Variants in ATXN7L1 observed in about 807,000 individuals in gnomAD.
The protein encoded by ATXN7L1 is ataxin-7-like protein 1.
In ATXN7L1, 15 loss-of-function variants were observed where a neutral mutation model predicts 70.8. That is an observed-to-expected ratio of 0.21 (90% CI 0.14 to 0.33). ATXN7L1 has a LOEUF of 0.33. ATXN7L1 is among the 10% of genes least tolerant of loss of function. The pLI is 1.00. For synonymous variants in ATXN7L1, 440 were observed against 445.1 expected, an observed-to-expected ratio of 0.99 and a Z score of 0.14; for missense variants, 975 against 1,097.1, an observed-to-expected ratio of 0.89 and a Z score of 1.57.
chr7:105,818,416 A>G (rs1370289047), intron 2 of ATXN7L1, among the ~76,000 whole-genome samples: 4 of 152,170 alleles, frequency 2.6e-5, no homozygotes, highest in Non-Finnish European at 5.9e-5. Context: ...TCGGCCTCCC[A>G]AAGTGCTGGG....
chr7:105,865,492 C>A (rs1344271078), intron 2 of ATXN7L1, among the ~76,000 whole-genome samples: 3 of 151,962 alleles, frequency 2.0e-5, no homozygotes, highest in Non-Finnish European at 4.4e-5. Context: ...ACCTCCGCCT[C>A]CCGGGTTCAA....
chr7:105,772,396 A>G (rs951044322), intron 3 of ATXN7L1, among the ~76,000 whole-genome samples: 2 of 152,168 alleles, frequency 1.3e-5, no homozygotes, highest in South Asian at 4.1e-4. Context: ...TTAAAAAGCC[A>G]GCGATATACT....
intron 3 of ATXN7L1, among the ~76,000 whole-genome samples, chr7:105,766,702 C>A (rs536963122): frequency 6.6e-6 from 1 of 152,218 alleles, no homozygotes; most frequent in Non-Finnish European, 1.5e-5. Flanking sequence ...ATTAGACGAT[C>A]CTGTGTTTGG....
chr7:105,646,770 C>CAAAA (rs5886362), intron 4 of ATXN7L1, among the ~76,000 whole-genome samples: 34 of 118,464 alleles, frequency 2.9e-4, no homozygotes, highest in African/African-American at 1.0e-3. Context: ...CATGTCTCTA[C>CAAAA]AAAAAAAAAA....
At chr7:105,727,227 CA>C (rs1164069201) in intron 3 of ATXN7L1, among the ~76,000 whole-genome samples, 4 of 152,112 alleles carry the variant, frequency 2.6e-5, no homozygotes, top group African/African-American at 4.8e-5. Context: ...CCAATATTAA[CA>C]GGGGGGAAAA....
chr7:105,711,728 G>A (rs1217858571), intron 3 of ATXN7L1, among the ~76,000 whole-genome samples: 4 of 152,224 alleles, frequency 2.6e-5, no homozygotes, highest in Non-Finnish European at 5.9e-5. Context: ...GGTGTTGAGT[G>A]CCTGTGGCAC....
chr7:105,623,245 C>T (rs77457554), intron 8 of ATXN7L1, among the ~76,000 whole-genome samples: 3,957 of 152,238 alleles, frequency 0.026, 73 homozygotes, highest in South Asian at 0.043. Flanking sequence ...ATTTCACTTA[C>T]ACAGTCTAGA....
chr7:105,790,154 G>A (rs1431721883), intron 2 of ATXN7L1, among the ~76,000 whole-genome samples: 1 of 152,152 alleles, frequency 6.6e-6, no homozygotes, highest in East Asian at 1.9e-4. Flanking sequence ...TGGGGGGCCT[G>A]GAGGAATTCG....
intron 7 of ATXN7L1, among the ~76,000 whole-genome samples, chr7:105,631,339 G>A (rs1419629367): frequency 7.2e-5 from 11 of 152,154 alleles, no homozygotes; most frequent in Non-Finnish European, 1.3e-4. Flanking sequence ...AAAGTCATAG[G>A]TGAGGTGAGG....
chr7:105,676,906 G>A (rs1437402486), intron 3 of ATXN7L1, among the ~76,000 whole-genome samples: 1 of 152,118 alleles, frequency 6.6e-6, no homozygotes, highest in African/African-American at 2.4e-5. Context: ...GAATCTAAAA[G>A]CTGAAATTTT....
chr7:105,671,696 A>C (rs1383299424), intron 3 of ATXN7L1, among the ~76,000 whole-genome samples: 5 of 151,912 alleles, frequency 3.3e-5, no homozygotes, highest in African/African-American at 1.2e-4. Context: ...CAGGAGTTCA[A>C]AACTAGCTGG....
intron 9 of ATXN7L1, among the ~76,000 whole-genome samples, chr7:105,618,583 T>A (rs1794272099): frequency 6.6e-6 from 1 of 152,072 alleles, no homozygotes; most frequent in Admixed American, 6.6e-5. Flanking sequence ...AGAGGAGGAA[T>A]CCTGGAAGAG....
At chr7:105,800,737 A>G (rs1806692526) in intron 2 of ATXN7L1, among the ~76,000 whole-genome samples, 1 of 152,216 alleles carries the variant, frequency 6.6e-6, no homozygotes, top group African/African-American at 2.4e-5. Flanking sequence ...AGGGCAAGCC[A>G]CAGAACATCT....
chr7:105,670,804 A>C (rs1803435528), intron 3 of ATXN7L1, among the ~76,000 whole-genome samples: 3 of 151,962 alleles, frequency 2.0e-5, no homozygotes, highest in African/African-American at 7.3e-5. Context: ...TCTACTAAAA[A>C]TACAAAAATT....
chr7:105,813,590 G>A (rs1808758611), intron 2 of ATXN7L1, among the ~76,000 whole-genome samples: 2 of 152,108 alleles, frequency 1.3e-5, no homozygotes, highest in African/African-American at 4.8e-5. Context: ...ACCCGCCTCG[G>A]CCTCTCAAAG....
At position 105,608,670 on chromosome 7, in the gene ATXN7L1, T is replaced by C. The variant is rs146508842; in HGVS notation, c.2548-780A>G. Among the ~76,000 whole-genome samples, 179 of 152,236 alleles carry C rather than the reference T, an allele frequency of 1.2e-3. 3 individuals carry two copies. The highest frequency in any genetic ancestry group is 0.011 in the South Asian group (53 of 4,820). On this transcript the variant is annotated intron_variant, in intron 11 of 11. Coordinates refer to ENST00000419735, the MANE Select transcript of ATXN7L1 (RefSeq NM_020725.2). The stretch of plus-strand genomic sequence containing the variant: ...ATGTGCCTTCCCACCCCAGCACACA[T>C]GAAGGGCTGCAAGTGTTCTGGCACA...
chr7:105,821,024 C>A (rs950904110), intron 2 of ATXN7L1, among the ~76,000 whole-genome samples: 6 of 152,140 alleles, frequency 3.9e-5, no homozygotes, highest in South Asian at 2.1e-4. Context: ...GCCAATGAAA[C>A]CTCTGTTTTT....
rs1796874745 is a variant in ATXN7L1 at position 105,733,557 on chromosome 7, C to CCCATCCATCCTTCCAT, written c.355+55031_355+55046dup. 2.7e-4 allele frequency among the ~76,000 whole-genome samples: 6 copies of CCCATCCATCCTTCCAT among 21,922 alleles called. 2 individuals are homozygous for CCCATCCATCCTTCCAT. The highest frequency in any genetic ancestry group is 3.5e-3 in the South Asian group (2 of 572). 14.4% of individuals were successfully genotyped at this position (21,922 alleles called of 152,430 possible). On this transcript the variant is annotated intron_variant, in intron 3 of 11. Transcript: ENST00000419735. Reference sequence around the variant, plus strand: ...ATCCATCCACCCATCCATCCATCCACCCATCCATCCTTCCATCCATCCACC... The same window carrying CCCATCCATCCTTCCAT: ...ATCCATCCACCCATCCATCCATCCACCCATCCATCCTTCCATCCATCCATCCTTCCATCCATCCACC...
chr7:105,844,615 A>G (rs1813702155), intron 2 of ATXN7L1, among the ~76,000 whole-genome samples: 2 of 152,242 alleles, frequency 1.3e-5, no homozygotes, highest in Admixed American at 1.3e-4. Context: ...CCCACAGTTA[A>G]TATCATACTT....
Sources: gnomAD v4.1 joint callset for allele counts (sites outside exome capture counted in the v4.1 genomes callset) on GRCh38, gnomAD v4.1.1 for gene constraint, MANE v1.5 for transcripts, NCBI Gene and HGNC (gene_info 2026-07-23, HGNC 2026-07-21) for gene names.